PARD3B: variants seen among roughly 807,000 people sequenced by gnomAD.
PARD3B encodes the protein par-3 family cell polarity regulator beta, also known as partitioning defective 3 homolog B.
In PARD3B, 103 loss-of-function variants were observed where a neutral mutation model predicts 130.2. The ratio of observed to expected loss-of-function variants is 0.79; its 90% CI spans 0.67 to 0.93. The LOEUF (loss-of-function observed/expected upper bound fraction) is 0.93. Among genes scored for constraint, PARD3B ranks in the 40% least tolerant of loss-of-function variants. The probability of loss-of-function intolerance (pLI) is 0.00; values close to 1 mark genes in which losing one functional copy is unlikely to be tolerated. For synonymous variants in PARD3B, 583 were observed against 553.2 expected (o/e 1.05, Z -0.76); for missense variants, 1,609 against 1,499.2 (o/e 1.07, Z -1.21).
At chr2:205,036,004 C>G (rs1039236892) in intron 3 of PARD3B, among the ~76,000 whole-genome samples, 2 of 142,400 alleles carry the variant, frequency 1.4e-5, no homozygotes, top group South Asian at 4.3e-4. Flanking sequence ...ATATAATGGC[C>G]TATTTTTATG....
Position 205,187,955 on chromosome 2 carries a change from C to T in PARD3B, c.2024+2092C>T, listed in dbSNP as rs970462755. ...GGTTATTAAGTCATTTATTCACTTACTCATCCATTCAAAAGTATTTCTGGA... is the reference window on the plus strand; with the variant it reads ...GGTTATTAAGTCATTTATTCACTTATTCATCCATTCAAAAGTATTTCTGGA... On this transcript the variant is annotated intron_variant, in intron 14 of 22. Coordinates refer to ENST00000406610, the MANE Select transcript of PARD3B (RefSeq NM_001302769.2). The surrounding 1 kb of genome is among the most constrained non-coding windows in gnomAD (Gnocchi z 4.9). Among the ~76,000 whole-genome samples the T allele has an allele frequency of 6.6e-6, 1 of 152,194 alleles. No homozygotes were observed. Among genetic ancestry groups the T allele is most frequent in the Non-Finnish European group, 1.5e-5 (1 of 68,042 alleles).
At chr2:204,815,461 T>C (rs1371951865) in intron 2 of PARD3B, among the ~76,000 whole-genome samples, 1 of 151,972 alleles carries the variant, frequency 6.6e-6, no homozygotes, top group Non-Finnish European at 1.5e-5. Flanking sequence ...GTTTATTCTT[T>C]TAAAAAAATT....
At chr2:205,206,108 A>T (rs2037281501) in intron 15 of PARD3B, among the ~76,000 whole-genome samples, 1 of 151,256 alleles carries the variant, frequency 6.6e-6, no homozygotes, top group Non-Finnish European at 1.5e-5. Flanking sequence ...GCTATTAATT[A>T]CTGCCTCAAT....
intron 18 of PARD3B, among the ~76,000 whole-genome samples, chr2:205,330,288 C>T (rs182501240): frequency 5.9e-5 from 9 of 152,158 alleles, no homozygotes; most frequent in Admixed American, 2.6e-4. Flanking sequence ...TTGCAGTGAG[C>T]GAAGATCACG....
Position 205,167,366 on chromosome 2 carries a change from A to T in PARD3B, c.1621-4845A>T, listed in dbSNP as rs189372686. On this transcript the variant is annotated intron_variant, in intron 11 of 22. Transcript: ENST00000406610. ...CAATTGTGGAAAGACCCTGGTGTAA[A>T]TATTTTTTTTTTCAAAAATGAGTAT... 5.3e-3 allele frequency among the ~76,000 whole-genome samples: 814 copies of T among 152,246 alleles called. 5 individuals carry two copies. Among genetic ancestry groups the T allele is most frequent in the Non-Finnish European group, 8.9e-3 (606 of 68,020 alleles).
intron 7 of PARD3B, among the ~76,000 whole-genome samples, chr2:205,120,584 G>A (rs931431077): frequency 2.6e-5 from 4 of 152,170 alleles, no homozygotes; most frequent in African/African-American, 4.8e-5. Flanking sequence ...ACAAGCAAAC[G>A]TGGAAGAGGG....
chr2:205,354,487 A>AATT (rs1559694499), intron 18 of PARD3B, among the ~76,000 whole-genome samples: 2 of 151,304 alleles, frequency 1.3e-5, no homozygotes, highest in Non-Finnish European at 2.9e-5. Flanking sequence ...GTAAAAAATT[A>AATT]AAAAAAATCT....
intron 1 of PARD3B, among the ~76,000 whole-genome samples, chr2:204,652,203 A>T (rs1271805596): frequency 6.6e-6 from 1 of 151,888 alleles, no homozygotes; most frequent in Non-Finnish European, 1.5e-5. Flanking sequence ...TTTCTCCCAC[A>T]TGGCCAGGCG....
chr2:205,295,735 A>C (rs186282206), intron 16 of PARD3B, among the ~76,000 whole-genome samples: 1 of 152,274 alleles, frequency 6.6e-6, no homozygotes, highest in African/African-American at 2.4e-5. Flanking sequence ...TAAAGTGGGA[A>C]GTTCAAACAT....
chr2:204,748,530 T>C (rs1299689225), intron 2 of PARD3B, among the ~76,000 whole-genome samples: 1 of 152,158 alleles, frequency 6.6e-6, no homozygotes, highest in African/African-American at 2.4e-5. Flanking sequence ...TTATGTCTTT[T>C]GACTAGACAT....
intron 2 of PARD3B, among the ~76,000 whole-genome samples, chr2:204,855,552 A>AATAT (rs1553540278): frequency 1.2e-3 from 174 of 143,146 alleles, no homozygotes; most frequent in Middle Eastern, 7.5e-3. Context: ...AAGAAAAAAA[A>AATAT]ATATATATAT....
intron 4 of PARD3B, among the ~76,000 whole-genome samples, chr2:205,100,220 A>C (rs563943322): frequency 6.6e-6 from 1 of 152,306 alleles, no homozygotes; most frequent in South Asian, 2.1e-4. Context: ...AGTTCCATTT[A>C]GAGTATGGTG....
intron 18 of PARD3B, among the ~76,000 whole-genome samples, chr2:205,396,581 C>CA (rs2046038981): frequency 6.6e-6 from 1 of 151,994 alleles, no homozygotes; most frequent in Admixed American, 6.5e-5. Flanking sequence ...TTCCACTTTA[C>CA]AAAAAAGATC....
chr2:204,792,655 C>T (rs994404249), intron 2 of PARD3B, among the ~76,000 whole-genome samples: 3 of 152,110 alleles, frequency 2.0e-5, no homozygotes, highest in Non-Finnish European at 4.4e-5. Flanking sequence ...CTACCACCAA[C>T]ACCCCCACAC....
Position 204,675,307 on chromosome 2 carries a change from T to C in PARD3B, c.121-10874T>C, listed in dbSNP as rs1031632986. On this transcript the variant is annotated intron_variant, in intron 1 of 22. Transcript: ENST00000406610. This position sits in a 1 kb window ranked among gnomAD's most constrained non-coding sequence, Gnocchi z 4.4. ...TTTAATCTGCTTAAGTATATTTGCA[T>C]CAATTATGCATTAAATATCTTTAAT... is the stretch of plus-strand genomic sequence containing the variant. Among the ~76,000 whole-genome samples the C allele has an allele frequency of 1.2e-4, 18 of 152,248 alleles. No homozygotes were observed. Among genetic ancestry groups the C allele is most frequent in the Admixed American group, 3.9e-4 (6 of 15,296 alleles).
rs147963984 is a variant in PARD3B at position 204,912,655 on chromosome 2, G to A, written c.223-52497G>A. On this transcript the variant is annotated intron_variant, in intron 2 of 22. Coordinates refer to ENST00000406610, the MANE Select transcript of PARD3B (RefSeq NM_001302769.2). Reference sequence around the variant, plus strand: ...CATGCCCACAGTGTGTTTGCCTGTCGATATTGAGTATTGGAAAGGTTATCA... The same window carrying A: ...CATGCCCACAGTGTGTTTGCCTGTCAATATTGAGTATTGGAAAGGTTATCA... Among the ~76,000 whole-genome samples the A allele has an allele frequency of 9.9e-5, 15 of 152,196 alleles. No homozygotes were observed. The East Asian group carries it at 2.3e-3, about 24-fold the overall frequency.
chr2:205,354,020 CTTTTCCTTTTTTTTTT>C (rs1440242447), intron 18 of PARD3B, among the ~76,000 whole-genome samples: 5 of 114,590 alleles, frequency 4.4e-5, no homozygotes, highest in South Asian at 6.7e-4. Flanking sequence ...TTTTTCTTTT[CTTTTCCTTTTTTTTTT>C]TTTTTTTTTT....
intron 16 of PARD3B, among the ~76,000 whole-genome samples, chr2:205,296,663 A>G (rs867492181): frequency 5.5e-4 from 76 of 138,032 alleles, no homozygotes; most frequent in East Asian, 1.1e-3. Flanking sequence ...GTGTTTGTGT[A>G]TGTGTGTGTG....
chr2:205,335,899 G>A (rs916349260), intron 18 of PARD3B, among the ~76,000 whole-genome samples: 2 of 152,144 alleles, frequency 1.3e-5, no homozygotes, highest in African/African-American at 4.8e-5. Context: ...ACTATCACGA[G>A]AACAGCACGG....
Sources: allele counts gnomAD v4.1 joint callset (sites outside exome capture counted in the v4.1 genomes callset), GRCh38; gene constraint gnomAD v4.1.1; non-coding constraint Gnocchi (gnomAD v3.1); transcripts MANE v1.5; gene names NCBI Gene and HGNC (gene_info 2026-07-23, HGNC 2026-07-21).